Variants in BORA observed in about 807,000 individuals in gnomAD.
The protein encoded by BORA is BORA aurora kinase A activator.
BORA carries 26 observed loss-of-function variants against 55.8 expected under a neutral mutation model. The observed-to-expected ratio is 0.47, with a 90% CI of 0.34 to 0.65. The LOEUF (loss-of-function observed/expected upper bound fraction) is 0.65, where lower values mean the gene tolerates loss of function less well. Among genes scored for constraint, BORA ranks in the 30% least tolerant of loss-of-function variants. The pLI is 0.01. For synonymous variants in BORA, 201 were observed against 216.9 expected, an observed-to-expected ratio of 0.93 and a Z score of 0.64; for missense variants, 568 against 671.5, an observed-to-expected ratio of 0.85 and a Z score of 1.70.
chr13:72,739,923 G>A (rs923136664), intron 5 of BORA, among the ~76,000 whole-genome samples: 10 of 152,088 alleles, frequency 6.6e-5, no homozygotes, highest in Non-Finnish European at 1.2e-4. Flanking sequence ...TAGTTGGTGG[G>A]TTTAAAGCAA....
At chr13:72,753,001 A>G (rs146256965) in intron 10 of BORA, 17 of 152,352 alleles carry the variant, frequency 1.1e-4, no homozygotes, top group African/African-American at 3.8e-4. Context: ...TCATCACTGG[A>G]TGACATTGTG....
At chr13:72,747,677 G>A (rs901193100) in intron 10 of BORA, among the ~76,000 whole-genome samples, 1 of 151,898 alleles carries the variant, frequency 6.6e-6, no homozygotes, top group Non-Finnish European at 1.5e-5. Context: ...GGGACTACAG[G>A]TGTGCGTCAC....
intron 10 of BORA, among the ~76,000 whole-genome samples, chr13:72,748,566 G>C (rs911237444): frequency 1.3e-5 from 2 of 152,068 alleles, no homozygotes; most frequent in African/African-American, 2.4e-5. Context: ...TGCCTATCCT[G>C]ACTTACAGCT....
chr13:72,727,994 T>A lies in BORA; in HGVS notation c.-29T>A. 1.3e-6 allele frequency: 2 copies of A among 1,540,032 alleles called. No homozygotes were observed. The highest frequency in any genetic ancestry group is 1.7e-6 in the Non-Finnish European group (2 of 1,143,662). On this transcript the variant is annotated 5_prime_UTR_variant, in exon 1 of 12. Transcript: ENST00000390667. Reference sequence around the variant, plus strand: ...CCTGGAGTCGGTACTGGGGGCTTCGTTTTGTACGCACCGGTAGGTACGCTC... The same window carrying A: ...CCTGGAGTCGGTACTGGGGGCTTCGATTTGTACGCACCGGTAGGTACGCTC...
At chr13:72,729,439 T>G (rs1405170443) in intron 2 of BORA, among the ~76,000 whole-genome samples, 2 of 152,204 alleles carry the variant, frequency 1.3e-5, no homozygotes, top group Non-Finnish European at 2.9e-5. Flanking sequence ...ATTATTTGAG[T>G]GTTGCTATGT....
chr13:72,740,089 G>A (rs564503674), intron 5 of BORA, among the ~76,000 whole-genome samples: 60 of 152,216 alleles, frequency 3.9e-4, no homozygotes, highest in Non-Finnish European at 6.3e-4. Flanking sequence ...ATTTATATAA[G>A]GCAGATATCT....
In BORA at chr13:72,738,059, A is replaced by G. The variant is rs1566221769; in HGVS notation, c.388+16A>G. The G allele has an allele frequency of 2.6e-6, 4 of 1,556,504 alleles. No homozygotes were observed. Among genetic ancestry groups the G allele is most frequent in the Non-Finnish European group, 2.6e-6 (3 of 1,139,532 alleles). On this transcript the variant is annotated intron_variant, in intron 5 of 11. Transcript: ENST00000390667. ...TCCAGTAAATGTGAGTGTACTAAAA[A>G]TGATATGAATAAAAATCAAAAAAGT...
At chr13:72,752,728 T>C (rs921409578) in intron 10 of BORA, 6 of 152,230 alleles carry the variant, frequency 3.9e-5, no homozygotes, top group Non-Finnish European at 8.8e-5. Context: ...TAAGCAGATA[T>C]GTATCCAGCC....
chr13:72,731,527 A>G, intron 3 of BORA, 140 bp downstream of exon 3: 3 of 666,038 alleles, frequency 4.5e-6, no homozygotes, highest in Non-Finnish European at 7.8e-6. Flanking sequence ...ATCTAAATGA[A>G]TGAGTTCAAA....
In BORA at chr13:72,743,999, AGTGC is replaced by A. The variant is rs572770857; in HGVS notation, c.454+398_454+401del. On this transcript the variant is annotated intron_variant, in intron 6 of 11. Transcript: ENST00000390667. Reference sequence around the variant, plus strand: ...CGATCTGCCCACTTTGGCCCCCCAAAGTGCTAGGATTACAGGCATGAGCCACCAA... The same window carrying A: ...CGATCTGCCCACTTTGGCCCCCCAAATAGGATTACAGGCATGAGCCACCAA... 2.0e-3 allele frequency among the ~76,000 whole-genome samples: 311 copies of A among 152,258 alleles called. 1 individual carries two copies. Among genetic ancestry groups the A allele is most frequent in the African/African-American group, 7.0e-3 (292 of 41,564 alleles).
intron 3 of BORA, among the ~76,000 whole-genome samples, chr13:72,734,696 G>GT (rs2032883998): frequency 6.6e-6 from 1 of 152,178 alleles, no homozygotes; most frequent in South Asian, 2.1e-4. Flanking sequence ...TAATATCAAT[G>GT]TAAGTCTTTT....
rs1257825056 is a variant in BORA at position 72,746,872 on chromosome 13, GAGAA to G, written c.1248_1251del (p.Lys416AsnfsTer2). The stretch of plus-strand genomic sequence containing the variant: ...TACACAAAATCAGTCCAGTGCTTCT[GAGAA>G]AGAATTAGCACTGTTGCAGGATGTT... On this transcript the variant is annotated frameshift_variant, in exon 10 of 12. Transcript: ENST00000390667. LOFTEE classifies it high-confidence loss of function. The G allele has an allele frequency of 1.2e-6, 2 of 1,614,042 alleles. No individual in the cohort carries two copies. Among genetic ancestry groups the G allele is most frequent in the Non-Finnish European group, 1.7e-6 (2 of 1,180,016 alleles).
chr13:72,748,693 T>C (rs530213721), intron 10 of BORA, among the ~76,000 whole-genome samples: 4 of 152,018 alleles, frequency 2.6e-5, no homozygotes, highest in South Asian at 2.1e-4. Context: ...CTTAAAGGCA[T>C]TGTTTGCTGC....
intron 6 of BORA, 135 bp from the exon 7 acceptor site, chr13:72,744,370 A>G: frequency 2.8e-6 from 2 of 725,684 alleles, no homozygotes; most frequent in East Asian, 2.8e-5. Context: ...GATAGAATGC[A>G]GAAATGAATA....
In BORA at chr13:72,745,167, C is replaced by T. The variant is rs753867921; in HGVS notation, c.698C>T (p.Ser233Phe). The change falls in exon 8 of 12, where the codon TCT becomes TTT. Residue 233 changes from serine (S) to phenylalanine (F), a missense_variant. Ser to Phe is a radical substitution (Grantham distance 155). Coordinates refer to ENST00000390667, the MANE Select transcript of BORA (RefSeq NM_024808.5). The part of the protein sequence containing the change: ...SLEMFYSIDL[S>F]PVKCRSPLQT... Reference sequence around the variant, plus strand: ...GAGATGTTTTATTCAATAGATTTGTCTCCTGTAAAGTGTAGGAGCCCCTTG... The same window carrying T: ...GAGATGTTTTATTCAATAGATTTGTTTCCTGTAAAGTGTAGGAGCCCCTTG... The T allele has an allele frequency of 1.1e-5, 17 of 1,613,968 alleles. No homozygotes were observed. The highest frequency in any genetic ancestry group is 9.9e-5 in the South Asian group (9 of 91,074).
In BORA at chr13:72,755,370, A is replaced by G. The variant is rs2033430483; in HGVS notation, c.*154A>G. 3 of 570,446 alleles carry G rather than the reference A, an allele frequency of 5.3e-6. No individual in the cohort carries two copies. Among genetic ancestry groups the G allele is most frequent in the Non-Finnish European group, 9.1e-6 (3 of 328,674 alleles). The allele number at this position is 570,446 out of a possible 1,614,324, so 35.3% of individuals were successfully genotyped here. ...TGAAAAATCAAGGGCTTACTGACAT[A>G]GGAACAACAGAAATGCTCCTGGAAC... is the stretch of plus-strand genomic sequence containing the variant. On this transcript the variant is annotated 3_prime_UTR_variant, in exon 12 of 12. Coordinates refer to ENST00000390667, the MANE Select transcript of BORA (RefSeq NM_024808.5).
chr13:72,729,148 A>C (rs1050074807), intron 2 of BORA, 55 bp downstream of exon 2: 3 of 1,333,432 alleles, frequency 2.2e-6, no homozygotes, highest in Non-Finnish European at 3.0e-6. Context: ...GTAATTACAA[A>C]TAATTTTAAA....
intron 5 of BORA, among the ~76,000 whole-genome samples, chr13:72,741,123 G>C (rs1566223416): frequency 6.6e-6 from 1 of 152,132 alleles, no homozygotes; most frequent in Non-Finnish European, 1.5e-5. Context: ...TTTATTTATG[G>C]ACTTGAGTGA....
chr13:72,748,434 C>T (rs1368189865), intron 10 of BORA, among the ~76,000 whole-genome samples: 2 of 152,176 alleles, frequency 1.3e-5, no homozygotes, highest in East Asian at 3.9e-4. Flanking sequence ...ATTTAATTCT[C>T]ACACCAACTC....
Sources: allele counts gnomAD v4.1 joint callset (sites outside exome capture counted in the v4.1 genomes callset), GRCh38; gene constraint gnomAD v4.1.1; transcripts MANE v1.5; gene names NCBI Gene and HGNC (gene_info 2026-07-23, HGNC 2026-07-21).